HCRTR2: variants seen among roughly 807,000 people sequenced by gnomAD.
The protein encoded by HCRTR2 is hypocretin receptor 2.
In HCRTR2, 22 loss-of-function variants were observed where a neutral mutation model predicts 49.0. The ratio of observed to expected loss-of-function variants is 0.45; its 90% confidence interval spans 0.32 to 0.64. The LOEUF (loss-of-function observed/expected upper bound fraction) is 0.64. HCRTR2 is among the 30% of genes least tolerant of loss of function. The pLI is 0.04. For missense variants in HCRTR2, 491 were observed against 559.4 expected (o/e 0.88, Z 1.23); for synonymous variants, 236 against 205.3 (o/e 1.15, Z -1.28).
At chr6:55,273,535 C>G (rs1223563229) in intron 4 of HCRTR2, among the ~76,000 whole-genome samples, 1 of 152,100 alleles carries the variant, frequency 6.6e-6, no homozygotes, top group Non-Finnish European at 1.5e-5. Context: ...TAACCGCCAC[C>G]TCCACTGATG....
chr6:55,154,941 C>T (rs1404573666), intron 1 of HCRTR2, among the ~76,000 whole-genome samples: 3 of 151,686 alleles, frequency 2.0e-5, no homozygotes, highest in African/African-American at 4.8e-5. Flanking sequence ...TAGCAACAAA[C>T]TATTTCATAA....
At chr6:55,238,760 G>C (rs1311077487) in intron 1 of HCRTR2, among the ~76,000 whole-genome samples, 1 of 152,082 alleles carries the variant, frequency 6.6e-6, no homozygotes, top group African/African-American at 2.4e-5. Flanking sequence ...AGTTGTGAGA[G>C]TCAATAAGAA....
chr6:55,192,469 G>C (rs1250092123), intron 1 of HCRTR2, among the ~76,000 whole-genome samples: 2 of 151,314 alleles, frequency 1.3e-5, no homozygotes, highest in African/African-American at 4.9e-5. Flanking sequence ...CACGCCTGTG[G>C]TCCCAGATAC....
intron 1 of HCRTR2, among the ~76,000 whole-genome samples, chr6:55,154,243 A>G (rs900209095): frequency 5.9e-5 from 9 of 151,888 alleles, no homozygotes; most frequent in African/African-American, 2.2e-4. Flanking sequence ...TTCCAAAAAG[A>G]AAGAGGGAAT....
chr6:55,170,768 T>C (rs1450722165), upstream of HCRTR2, among the ~76,000 whole-genome samples: 1 of 119,990 alleles, frequency 8.3e-6, no homozygotes, highest in Non-Finnish European at 1.6e-5. Context: ...GTGTGTGATG[T>C]TCCCCTTCCT....
At chr6:55,241,296 C>G (rs2127306633) in intron 1 of HCRTR2, among the ~76,000 whole-genome samples, 1 of 152,104 alleles carries the variant, frequency 6.6e-6, no homozygotes, top group African/African-American at 2.4e-5. Context: ...TCTAGAAAAT[C>G]CAACTTCAAA....
chr6:55,150,580 G>A (rs989137908), intron 1 of HCRTR2, among the ~76,000 whole-genome samples: 1 of 151,922 alleles, frequency 6.6e-6, no homozygotes, highest in Non-Finnish European at 1.5e-5. Flanking sequence ...GTATAAGTGG[G>A]ATAGGAGTAT....
chr6:55,174,155 C>T, upstream of HCRTR2: 1 of 213,520 alleles, frequency 4.7e-6, no homozygotes, highest in African/African-American at 2.4e-5. Flanking sequence ...TCTCACCCCC[C>T]ACCCCCCAAA....
At chr6:55,118,850 C>T (rs1045862974) in intron 1 of HCRTR2, among the ~76,000 whole-genome samples, 7 of 151,780 alleles carry the variant, frequency 4.6e-5, no homozygotes, top group South Asian at 2.1e-4. Context: ...AGTTTTCTTA[C>T]ATAGGTATGC....
At chr6:55,248,863 A>G (rs1166889809) in intron 2 of HCRTR2, 46 bp downstream of exon 2, 3 of 1,524,082 alleles carry the variant, frequency 2.0e-6, no homozygotes, top group Admixed American at 1.7e-5. Context: ...AAGAATGTTC[A>G]GCCATAGCGA....
chr6:55,266,409 G>C (rs1341928454), intron 4 of HCRTR2, among the ~76,000 whole-genome samples: 2 of 152,136 alleles, frequency 1.3e-5, no homozygotes, highest in Non-Finnish European at 2.9e-5. Flanking sequence ...TGCTGGGAAA[G>C]TTTAGAGAGG....
chr6:55,281,227 C>T (rs1767184134), intron 6 of HCRTR2, among the ~76,000 whole-genome samples: 1 of 152,006 alleles, frequency 6.6e-6, no homozygotes, highest in Non-Finnish European at 1.5e-5. Flanking sequence ...TCTGCATCTT[C>T]CAACTTGATC....
intron 1 of HCRTR2, among the ~76,000 whole-genome samples, chr6:55,223,415 C>T (rs1031523492): frequency 6.6e-6 from 1 of 152,120 alleles, no homozygotes; most frequent in Non-Finnish European, 1.5e-5. Context: ...AATACAGCAT[C>T]GCTTTTAAAA....
chr6:55,142,089 T>C (rs4469294), intron 1 of HCRTR2, among the ~76,000 whole-genome samples: 1 of 152,246 alleles, frequency 6.6e-6, no homozygotes, highest in Non-Finnish European at 1.5e-5. Flanking sequence ...AAATAGTAAG[T>C]TTTATCTCCC....
At chr6:55,220,561 C>A (rs1312014812) in intron 1 of HCRTR2, among the ~76,000 whole-genome samples, 1 of 152,054 alleles carries the variant, frequency 6.6e-6, no homozygotes, top group Non-Finnish European at 1.5e-5. Flanking sequence ...TACCTCAACA[C>A]AATAATAAAG....
chr6:55,221,356 G>A (rs543610493), intron 1 of HCRTR2, among the ~76,000 whole-genome samples: 32 of 152,170 alleles, frequency 2.1e-4, no homozygotes, highest in Middle Eastern at 3.4e-3. Flanking sequence ...CCAGCATAGC[G>A]AGCCCAGAAA....
intron 1 of HCRTR2, among the ~76,000 whole-genome samples, chr6:55,149,462 T>A (rs1351920171): frequency 6.6e-6 from 1 of 152,104 alleles, no homozygotes; most frequent in Non-Finnish European, 1.5e-5. Context: ...TGATTAATAT[T>A]TACTGTGCTT....
intron 1 of HCRTR2, among the ~76,000 whole-genome samples, chr6:55,209,527 ACAAT>A (rs1765660930): frequency 6.6e-6 from 1 of 152,182 alleles, no homozygotes; most frequent in Admixed American, 6.5e-5. Flanking sequence ...TGCCACACAG[ACAAT>A]CAATTATGAA....
chr6:55,220,746 T>C (rs1436060342), intron 1 of HCRTR2, among the ~76,000 whole-genome samples: 1 of 152,102 alleles, frequency 6.6e-6, no homozygotes, highest in Non-Finnish European at 1.5e-5. Context: ...AGCACTGAAA[T>C]CAGCAAGGAA....
Sources: gnomAD v4.1 joint callset for allele counts (sites outside exome capture counted in the v4.1 genomes callset) on GRCh38, gnomAD v4.1.1 for gene constraint, MANE v1.5 for transcripts, NCBI Gene and HGNC (gene_info 2026-07-23, HGNC 2026-07-21) for gene names.